RALGPS2: variants seen among roughly 807,000 people sequenced by gnomAD.
RALGPS2 encodes Ral GEF with PH domain and SH3 binding motif 2.
Under a neutral mutation model 86.8 loss-of-function variants are expected in RALGPS2, and 43 were observed. That is an observed-to-expected ratio of 0.50 (90% confidence interval 0.39 to 0.64). The LOEUF is 0.64. Among genes scored for constraint, RALGPS2 ranks in the 30% least tolerant of loss-of-function variants. RALGPS2 has a pLI of 0.00. For missense variants in RALGPS2, 536 were observed against 694.6 expected (o/e 0.77, Z 2.57); for synonymous variants, 243 against 231.3 (o/e 1.05, Z -0.46).
chr1:178,881,771 T>C (rs1446536591), intron 10 of RALGPS2, among the ~76,000 whole-genome samples: 1 of 152,176 alleles, frequency 6.6e-6, no homozygotes, highest in Non-Finnish European at 1.5e-5. Flanking sequence ...TTTCTAAAAA[T>C]GCAGTGTGTT....
Position 178,883,509 on chromosome 1 carries a change from G to A in RALGPS2, c.880G>A (p.Ala294Thr). 1 of 1,613,346 alleles carries A rather than the reference G, an allele frequency of 6.2e-7. No homozygotes were observed. Among genetic ancestry groups the A allele is most frequent in the Non-Finnish European group, 8.5e-7 (1 of 1,179,370 alleles). Residue 294 changes from alanine to threonine, a missense_variant, in exon 11 of 20, where the codon GCT becomes ACT. Coordinates refer to ENST00000367635, the MANE Select transcript of RALGPS2 (RefSeq NM_152663.5). Reference protein sequence around the residue: ...IEPGTSTPRSAASREDLVGPE... With the variant: ...IEPGTSTPRSTASREDLVGPE... The stretch of plus-strand genomic sequence containing the variant: ...ACCAGGGACAAGCACCCCACGTTCT[G>A]CTGCTTCCAGAGAAGATTTAGTAGG...
intron 8 of RALGPS2, chr1:178,852,584 AC>A: frequency 7.5e-7 from 1 of 1,326,952 alleles, no homozygotes; most frequent in Non-Finnish European, 1.0e-6. Context: ...ACCAAAACTG[AC>A]CTTTTTGAAA....
rs537860613 is a variant in RALGPS2 at position 178,847,181 on chromosome 1, C to G, written c.607+13631C>G. Among the ~76,000 whole-genome samples the G allele has an allele frequency of 9.8e-5, 15 of 152,346 alleles. No homozygotes were observed. In the East Asian group the frequency reaches 2.7e-3, roughly 27 times the overall value. ...TAAAAAGTGGCCGGGCATGGTGGCT[C>G]ATGCCTGTAATCCCAGCACTTTGGG... On this transcript the variant is annotated intron_variant, in intron 8 of 19. Transcript: ENST00000367635.
At chr1:178,875,145 A>G (rs1034963848) in intron 8 of RALGPS2, among the ~76,000 whole-genome samples, 5 of 152,314 alleles carry the variant, frequency 3.3e-5, no homozygotes, top group South Asian at 4.1e-4. Context: ...TTTATGGACA[A>G]TAATTTGTAT....
intron 8 of RALGPS2, among the ~76,000 whole-genome samples, chr1:178,872,244 G>A (rs1462093226): frequency 2.0e-5 from 3 of 152,132 alleles, no homozygotes; most frequent in Non-Finnish European, 2.9e-5. Flanking sequence ...TTTAAAGTCT[G>A]AGCTTATTTT....
chr1:178,852,767 A>G (rs931201405), intron 8 of RALGPS2: 1 of 1,613,908 alleles, frequency 6.2e-7, no homozygotes, highest in South Asian at 1.1e-5. Flanking sequence ...TTTCCCTGGT[A>G]AGTTCCCAGG....
rs987026840 is a variant in RALGPS2, at chr1:178,805,637, A to G, written c.214-2408A>G. 1.8e-4 allele frequency among the ~76,000 whole-genome samples: 28 copies of G among 152,208 alleles called. No homozygotes were observed. The East Asian group carries it at 5.0e-3, about 27-fold the overall frequency. On this transcript the variant is annotated intron_variant, in intron 4 of 19. Transcript: ENST00000367635. ...TTTATGTCTGTTTTTCACATAATAT[A>G]TCTAAATCCTTACTTTTCCTTGATT...
At chr1:178,742,309 T>G (rs142220333) in intron 1 of RALGPS2, among the ~76,000 whole-genome samples, 6 of 152,276 alleles carry the variant, frequency 3.9e-5, no homozygotes, top group Non-Finnish European at 7.4e-5. Context: ...GAGCATTATG[T>G]GGCTATATTA....
chr1:178,861,125 G>A (rs1419821394), intron 8 of RALGPS2, among the ~76,000 whole-genome samples: 1 of 152,092 alleles, frequency 6.6e-6, no homozygotes, highest in African/African-American at 2.4e-5. Flanking sequence ...AACAAAGGTA[G>A]TGGTAGAACC....
intron 4 of RALGPS2, among the ~76,000 whole-genome samples, chr1:178,786,856 A>G (rs991220075): frequency 1.2e-4 from 18 of 152,088 alleles, no homozygotes; most frequent in Admixed American, 7.2e-4. Flanking sequence ...GTCCTACATG[A>G]TGTAGGTAGT....
At chr1:178,742,384 A>G (rs963457247) in intron 1 of RALGPS2, among the ~76,000 whole-genome samples, 19 of 152,212 alleles carry the variant, frequency 1.2e-4, no homozygotes, top group African/African-American at 4.1e-4. Flanking sequence ...AAAATGATAA[A>G]GAGGGCAGTT....
intron 1 of RALGPS2, among the ~76,000 whole-genome samples, chr1:178,761,384 G>A (rs1025417909): frequency 1.3e-5 from 2 of 151,248 alleles, no homozygotes; most frequent in East Asian, 1.9e-4. Context: ...AGCGGAGATC[G>A]AGCCACTGCA....
At chr1:178,849,625 C>A (rs1387655356) in intron 8 of RALGPS2, 1 of 152,148 alleles carries the variant, frequency 6.6e-6, no homozygotes, top group African/African-American at 2.4e-5. Flanking sequence ...ATAACAGATT[C>A]TTTGGTTCTG....
At chr1:178,800,253 A>G (rs77674607) in intron 4 of RALGPS2, among the ~76,000 whole-genome samples, 13,659 of 152,258 alleles carry the variant, frequency 0.09, 1,323 homozygotes, top group African/African-American at 0.24. Context: ...TCTATGATAC[A>G]GGCATTGAAA....
chr1:178,726,022 T>A (rs1028113645), intron 1 of RALGPS2: 1 of 152,048 alleles, frequency 6.6e-6, no homozygotes, highest in African/African-American at 2.4e-5. Context: ...CGTCCTGTGC[T>A]GGCCTCGGGC....
intron 9 of RALGPS2, 46 bp downstream of exon 9, chr1:178,877,681 C>A (rs1453159357): frequency 6.3e-7 from 1 of 1,599,502 alleles, no homozygotes; most frequent in African/African-American, 1.3e-5. Flanking sequence ...TTGCTGTAAT[C>A]CAGTGATTTA....
At chr1:178,832,864 CA>C (rs1480147976) in intron 7 of RALGPS2, among the ~76,000 whole-genome samples, 1 of 150,866 alleles carries the variant, frequency 6.6e-6, no homozygotes, top group East Asian at 1.9e-4. Flanking sequence ...TGTCTTACAA[CA>C]GTATCTTTTA....
chr1:178,856,476 C>T (rs1657595363), intron 8 of RALGPS2, among the ~76,000 whole-genome samples: 1 of 120,666 alleles, frequency 8.3e-6, no homozygotes, highest in Admixed American at 1.1e-4. Context: ...AACTCCAGGT[C>T]TCAAGTGAAC....
intron 1 of RALGPS2, among the ~76,000 whole-genome samples, chr1:178,772,497 T>G (rs1426662629): frequency 6.6e-6 from 1 of 152,238 alleles, no homozygotes; most frequent in Non-Finnish European, 1.5e-5. Flanking sequence ...CAAATTATCT[T>G]AGTGAACTTT....
Sources: gnomAD v4.1 joint callset for allele counts (sites outside exome capture counted in the v4.1 genomes callset) on GRCh38, gnomAD v4.1.1 for gene constraint, MANE v1.5 for transcripts, NCBI Gene and HGNC (gene_info 2026-07-23, HGNC 2026-07-21) for gene names.